CACNA1D: variants seen among roughly 807,000 people sequenced by gnomAD.
CACNA1D encodes the protein voltage-dependent L-type calcium channel subunit alpha-1D.
In CACNA1D, 55 loss-of-function variants were observed where a neutral mutation model predicts 257.1. The observed-to-expected ratio is 0.21, with a 90% CI of 0.17 to 0.27. The LOEUF is 0.27. CACNA1D is among the 10% of genes least tolerant of loss of function. The pLI, the probability that CACNA1D is intolerant of heterozygous loss-of-function variation, is 1.00. For missense variants in CACNA1D, 1,876 were observed against 2,784.0 expected (o/e 0.67, Z 7.34); for synonymous variants, 980 against 1,014.9 (o/e 0.97, Z 0.65).
chr3:53,651,038 T>A, intron 4 of CACNA1D, 120 bp downstream of exon 4: 1 of 893,598 alleles, frequency 1.1e-6, no homozygotes, highest in East Asian at 2.5e-5. Flanking sequence ...TGCCAGCTGT[T>A]GCACCAGAAC....
intron 43 of CACNA1D, 79 bp from the exon 44 acceptor site, chr3:53,803,344 G>A (rs1036152973): frequency 4.9e-5 from 77 of 1,558,352 alleles, no homozygotes; most frequent in Admixed American, 3.8e-4. Context: ...CAGGGTTGCC[G>A]GCCACAGGCA....
intron 3 of CACNA1D, among the ~76,000 whole-genome samples, chr3:53,614,006 G>A (rs960087836): frequency 2.4e-4 from 37 of 151,360 alleles, no homozygotes; most frequent in Non-Finnish European, 4.3e-4. Flanking sequence ...TAGATAATAA[G>A]ATACAGCTAG....
In CACNA1D at chr3:53,732,023, T is replaced by C. The variant is rs147933585; in HGVS notation, c.2414T>C (p.Ile805Thr). The change falls in exon 18 of 48, where the codon ATT becomes ACT. Residue 805 changes from isoleucine to threonine, a missense_variant. Ile to Thr is a moderately conservative substitution (Grantham distance 89, BLOSUM62 -1). Transcript: ENST00000350061. ...QIANSDNKVT[I>T]DDYREEDEDK... ...ATGTCTTTGTCATCCTAGGTTACAATTGATGACTATAGAGAAGAGGATGAA... is the reference window on the plus strand; with the variant it reads ...ATGTCTTTGTCATCCTAGGTTACAACTGATGACTATAGAGAAGAGGATGAA... 1.7e-4 allele frequency: 277 copies of C among 1,604,592 alleles called. No individual in the cohort carries two copies. The highest frequency in any genetic ancestry group is 3.3e-4 in the Middle Eastern group (2 of 6,062).
At chr3:53,498,456 T>C (rs2090442348) in intron 2 of CACNA1D, among the ~76,000 whole-genome samples, 1 of 152,122 alleles carries the variant, frequency 6.6e-6, no homozygotes, top group Non-Finnish European at 1.5e-5. Flanking sequence ...TCTGAGCAAA[T>C]GGCTTTTTAA....
intron 3 of CACNA1D, among the ~76,000 whole-genome samples, chr3:53,645,538 T>C (rs2094009803): frequency 6.6e-6 from 1 of 152,200 alleles, no homozygotes; most frequent in African/African-American, 2.4e-5. Flanking sequence ...TGCATGTGGA[T>C]GTCCAGTTTT....
At chr3:53,667,889 G>A (rs766471891) in intron 7 of CACNA1D, among the ~76,000 whole-genome samples, 3 of 151,950 alleles carry the variant, frequency 2.0e-5, no homozygotes, top group Non-Finnish European at 2.9e-5. Context: ...TTCATAAAAC[G>A]TCTTTTCATA....
At chr3:53,592,236 C>T (rs749719116) in intron 3 of CACNA1D, among the ~76,000 whole-genome samples, 6 of 152,128 alleles carry the variant, frequency 3.9e-5, no homozygotes, top group East Asian at 1.9e-4. Flanking sequence ...CCAGGAAAGA[C>T]GTCTTTAATG....
chr3:53,650,622 G>A (rs1398570176), intron 3 of CACNA1D, among the ~76,000 whole-genome samples, 157 bp from the exon 4 acceptor site: 1 of 152,222 alleles, frequency 6.6e-6, no homozygotes, highest in Admixed American at 6.5e-5. Flanking sequence ...TCCTGGCCCA[G>A]GGGCAGTGTA....
intron 3 of CACNA1D, among the ~76,000 whole-genome samples, chr3:53,620,018 C>T (rs1317354611): frequency 6.6e-6 from 1 of 152,112 alleles, no homozygotes; most frequent in Non-Finnish European, 1.5e-5. Context: ...GTTACAAGTG[C>T]TATGAAGAAA....
At chr3:53,810,794 T>TAAAAAAAAAAAAAAAAAAA (rs1335171115) in intron 47 of CACNA1D, among the ~76,000 whole-genome samples, 1 of 119,156 alleles carries the variant, frequency 8.4e-6, no homozygotes, top group East Asian at 2.2e-4. Context: ...AAACAAAAAC[T>TAAAAAAAAAAAAAAAAAAA]GGTCACCACC....
rs1383797430 is a variant in CACNA1D at position 53,690,894 on chromosome 3, A to T, written c.1221-11747A>T. On this transcript the variant is annotated intron_variant, in intron 8 of 47. Transcript: ENST00000350061. ...GCCCTGCGGTTGCTGGTGCCTTCAA[A>T]AGTGTTCATTTTAGGTGGTTCTGCC... is the stretch of plus-strand genomic sequence containing the variant. 5.3e-5 allele frequency among the ~76,000 whole-genome samples: 8 copies of T among 152,164 alleles called. No homozygotes were observed. The East Asian group carries it at 1.5e-3, about 29-fold the overall frequency.
intron 3 of CACNA1D, among the ~76,000 whole-genome samples, chr3:53,512,577 C>T (rs112957194): frequency 6.6e-6 from 1 of 152,286 alleles, no homozygotes; most frequent in Non-Finnish European, 1.5e-5. Context: ...CTGGGTTACA[C>T]AGTGAGAGAC....
At chr3:53,558,619 A>T (rs905881568) in intron 3 of CACNA1D, among the ~76,000 whole-genome samples, 4 of 152,288 alleles carry the variant, frequency 2.6e-5, no homozygotes, top group African/African-American at 9.6e-5. Flanking sequence ...TTTCAAAAGG[A>T]TGCTTCTTGC....
At chr3:53,626,210 C>T (rs2093757047) in intron 3 of CACNA1D, among the ~76,000 whole-genome samples, 1 of 152,176 alleles carries the variant, frequency 6.6e-6, no homozygotes, top group South Asian at 2.1e-4. Flanking sequence ...GCCCCGGGCA[C>T]ATCCCCTCAT....
chr3:53,621,401 T>G (rs2093695319), intron 3 of CACNA1D, among the ~76,000 whole-genome samples: 1 of 152,140 alleles, frequency 6.6e-6, no homozygotes, highest in Admixed American at 6.5e-5. Context: ...AGCTTTTCCT[T>G]ATGCCAATAG....
At chr3:53,733,297 C>T in intron 19 of CACNA1D, among the ~76,000 whole-genome samples, 1 of 152,200 alleles carries the variant, frequency 6.6e-6, no homozygotes, top group East Asian at 1.9e-4. Context: ...AGCTGGAGCT[C>T]ACTGCTCTGG....
chr3:53,551,358 C>G (rs1471302806), intron 3 of CACNA1D, among the ~76,000 whole-genome samples: 1 of 152,202 alleles, frequency 6.6e-6, no homozygotes, highest in Non-Finnish European at 1.5e-5. Flanking sequence ...AGCCAGGACT[C>G]TCAGGCTCCC....
intron 3 of CACNA1D, among the ~76,000 whole-genome samples, chr3:53,550,643 G>A (rs984480647): frequency 2.0e-5 from 3 of 152,266 alleles, no homozygotes; most frequent in Non-Finnish European, 4.4e-5. Context: ...CTTCTCAGTC[G>A]TCTTTGCAGT....
intron 16 of CACNA1D, 127 bp downstream of exon 16, chr3:53,730,683 A>G (rs2094982118): frequency 4.0e-6 from 3 of 750,788 alleles, no homozygotes; most frequent in South Asian, 3.0e-5. Flanking sequence ...TTTGTGGATC[A>G]TGGTTGACCA....
Sources: allele counts gnomAD v4.1 joint callset (sites outside exome capture counted in the v4.1 genomes callset), GRCh38; gene constraint gnomAD v4.1.1; transcripts MANE v1.5; gene names NCBI Gene and HGNC (gene_info 2026-07-23, HGNC 2026-07-21).